Variants in PIP5K1A observed in about 807,000 individuals in gnomAD.
PIP5K1A encodes the protein phosphatidylinositol 4-phosphate 5-kinase type-1 alpha.
In PIP5K1A, 46 loss-of-function variants were observed where a neutral mutation model predicts 72.9. That is an observed-to-expected ratio of 0.63 (90% CI 0.50 to 0.81). The LOEUF (loss-of-function observed/expected upper bound fraction) is 0.81. Among genes scored for constraint, PIP5K1A ranks in the 30% least tolerant of loss-of-function variants. The pLI, the probability that PIP5K1A is intolerant of heterozygous loss-of-function variation, is 0.00. For missense variants in PIP5K1A, 458 were observed against 706.1 expected, an observed-to-expected ratio of 0.65 and a Z score of 3.98; for synonymous variants, 228 against 255.1, an observed-to-expected ratio of 0.89 and a Z score of 1.01.
At position 151,240,017 on chromosome 1, in the gene PIP5K1A, C is replaced by A; in HGVS notation, c.1341C>A (p.Asn447Lys). 6.2e-7 allele frequency: 1 copy of A among 1,612,452 alleles called. No individual in the cohort carries two copies. Among genetic ancestry groups the A allele is most frequent in the Non-Finnish European group, 8.5e-7 (1 of 1,178,860 alleles). ...YAERFQRFMCNTVFKKIPLKP... is the reference protein window; with the variant it reads ...YAERFQRFMCKTVFKKIPLKP... The stretch of plus-strand genomic sequence containing the variant: ...AACGGTTCCAGCGCTTCATGTGCAA[C>A]ACAGTATTTAAGAAGATTCCCTGTA... The change falls in exon 12 of 16, where the codon AAC becomes AAA. Residue 447 changes from asparagine (N) to lysine (K), a missense_variant. Around this residue, in one of 3 missense-constraint regions of PIP5K1A, gnomAD observed 157 missense variants for 175.5 expected, o/e 0.89. Coordinates refer to ENST00000368888, the MANE Select transcript of PIP5K1A (RefSeq NM_001135638.2).
At chr1:151,230,290 A>G (rs146035358) in intron 4 of PIP5K1A, among the ~76,000 whole-genome samples, 194 of 152,278 alleles carry the variant, frequency 1.3e-3, no homozygotes, top group Non-Finnish European at 2.3e-3. Context: ...AAGTAGTAAG[A>G]CTGAGAAAAT....
chr1:151,197,795 G>C (rs587684809), upstream of PIP5K1A, among the ~76,000 whole-genome samples: 1 of 152,336 alleles, frequency 6.6e-6, no homozygotes, highest in East Asian at 1.9e-4. Context: ...AGTCTGCTCA[G>C]AGAGACTGGT....
intron 1 of PIP5K1A, among the ~76,000 whole-genome samples, chr1:151,205,862 T>A (rs1352161033): frequency 6.6e-6 from 1 of 152,182 alleles, no homozygotes; most frequent in African/African-American, 2.4e-5. Context: ...TTACTGGGTT[T>A]CCTTGATCAA....
intron 1 of PIP5K1A, among the ~76,000 whole-genome samples, chr1:151,212,741 A>G (rs1443522508): frequency 3.0e-5 from 4 of 134,858 alleles, no homozygotes; most frequent in Non-Finnish European, 6.4e-5. Flanking sequence ...CGCCTAGCCA[A>G]TTTCTGTATT....
intron 4 of PIP5K1A, among the ~76,000 whole-genome samples, chr1:151,228,452 CT>C (rs1689485988): frequency 6.6e-6 from 1 of 152,174 alleles, no homozygotes; most frequent in Admixed American, 6.5e-5. Context: ...GTCTCACCCC[CT>C]TTTCCTCCAC....
At chr1:151,217,557 A>G (rs1413103541) in intron 1 of PIP5K1A, among the ~76,000 whole-genome samples, 1 of 152,072 alleles carries the variant, frequency 6.6e-6, no homozygotes, top group Non-Finnish European at 1.5e-5. Flanking sequence ...TTTTTTCAGA[A>G]GCATTTTAAT....
At chr1:151,210,329 C>G (rs186667447) in intron 1 of PIP5K1A, among the ~76,000 whole-genome samples, 42 of 151,394 alleles carry the variant, frequency 2.8e-4, no homozygotes, top group Middle Eastern at 3.4e-3. Context: ...CTCAGGATTA[C>G]AGGCATGGGC....
chr1:151,241,360 C>T (rs763088590), intron 12 of PIP5K1A, among the ~76,000 whole-genome samples: 3 of 151,066 alleles, frequency 2.0e-5, no homozygotes, highest in Non-Finnish European at 3.0e-5. Context: ...AAAAATTAGC[C>T]GGGCATGGTG....
Position 151,240,032 on chromosome 1 carries a change from G to T in PIP5K1A, c.1356G>T (p.Lys452Asn), listed in dbSNP as rs1426663465. The change falls in exon 12 of 16, where the codon AAG becomes AAT. Residue 452 changes from lysine to asparagine, a missense_variant. Around this residue, in one of 3 missense-constraint regions of PIP5K1A, gnomAD observed 157 missense variants for 175.5 expected, o/e 0.89. Transcript: ENST00000368888. ...TCATGTGCAACACAGTATTTAAGAA[G>T]ATTCCCTGTAAGTGGTTTCTACCAA... ...QRFMCNTVFK[K>N]IPLKPSPSKK... 1 of 1,611,402 alleles carries T rather than the reference G, an allele frequency of 6.2e-7. No homozygotes were observed. The highest frequency in any genetic ancestry group is 1.7e-5 in the Admixed American group (1 of 59,926).
chr1:151,245,818 G>A (rs1692422132), intron 14 of PIP5K1A, among the ~76,000 whole-genome samples: 1 of 152,156 alleles, frequency 6.6e-6, no homozygotes, highest in Admixed American at 6.6e-5. Flanking sequence ...TTATAGGCAT[G>A]AGCCACTGCA....
chr1:151,231,603 T>C lies in PIP5K1A; in HGVS notation c.238-68T>C. ...TAAAGTGTTCCTTCTAGCTTCCCCT[T>C]TCTGAATTTTTATTGTTATGATCCT... On this transcript the variant is annotated intron_variant, in intron 4 of 15. Coordinates refer to ENST00000368888, the MANE Select transcript of PIP5K1A (RefSeq NM_001135638.2). 12 of 1,398,700 alleles carry C rather than the reference T, an allele frequency of 8.6e-6. 1 individual carries two copies. The South Asian group carries it at 1.3e-4, about 15-fold the overall frequency. 86.6% of individuals were successfully genotyped at this position (1,398,700 alleles called of 1,614,324 possible).
chr1:151,240,135 A>G, intron 12 of PIP5K1A, 96 bp downstream of exon 12: 1 of 827,006 alleles, frequency 1.2e-6, no homozygotes, highest in Non-Finnish European at 2.1e-6. Flanking sequence ...GGGAGCTGCC[A>G]ATGCCAGAGG....
chr1:151,236,530 T>C lies in PIP5K1A; in HGVS notation c.940-28T>C, dbSNP rs761026423. The C allele has an allele frequency of 2.0e-6, 3 of 1,479,716 alleles. No individual in the cohort carries two copies. The East Asian group carries it at 6.8e-5, about 33-fold the overall frequency. The allele number at this position is 1,479,716 out of a possible 1,614,324, so 91.7% of individuals were successfully genotyped here. On this transcript the variant is annotated intron_variant, in intron 8 of 15. Transcript: ENST00000368888. The stretch of plus-strand genomic sequence containing the variant: ...AAAATATTTTTATTTCTTCCAAGGC[T>C]CAGATCATGTTTTTTTCCTTCCATT...
intron 12 of PIP5K1A, among the ~76,000 whole-genome samples, chr1:151,241,781 CAA>C (rs1172057360): frequency 7.7e-6 from 1 of 129,180 alleles, no homozygotes; most frequent in Admixed American, 8.7e-5. Context: ...GCCTGGGCAA[CAA>C]GAGCGAAACT....
intron 1 of PIP5K1A, among the ~76,000 whole-genome samples, chr1:151,214,825 T>C (rs1220734508): frequency 2.0e-5 from 3 of 152,116 alleles, no homozygotes; most frequent in Admixed American, 6.6e-5. Flanking sequence ...CAGGTCATCC[T>C]CCCACCTCAG....
intron 14 of PIP5K1A, among the ~76,000 whole-genome samples, chr1:151,246,491 G>T (rs887509644): frequency 6.6e-6 from 1 of 152,082 alleles, no homozygotes; most frequent in East Asian, 1.9e-4. Context: ...TAGAGCATGA[G>T]TCCAAGAAGA....
rs1442110763 is a variant in PIP5K1A at position 151,249,365 on chromosome 1, G to A, written c.*1500G>A. ...TTAAGGACAGAGTTCTGTTAGGGGT[G>A]GGAGGGAATATTTGAGGGAGGGCTG... is the stretch of plus-strand genomic sequence containing the variant. On this transcript the variant is annotated 3_prime_UTR_variant, in exon 16 of 16. Transcript: ENST00000368888. 2.6e-5 allele frequency: 4 copies of A among 152,068 alleles called. No individual in the cohort carries two copies. The highest frequency in any genetic ancestry group is 5.9e-5 in the Non-Finnish European group (4 of 68,010). The allele number at this position is 152,068 out of a possible 1,614,324, so 9.4% of individuals were successfully genotyped here. A position where few individuals can be genotyped will look rare whatever the true frequency, so the allele number is the denominator to read the frequency against.
chr1:151,207,864 CTTCT>C (rs1387272022), intron 1 of PIP5K1A, among the ~76,000 whole-genome samples: 2 of 69,726 alleles, frequency 2.9e-5, no homozygotes, highest in East Asian at 5.9e-4. Context: ...TATGTTGCTC[CTTCT>C]TTTTTTTTTT....
intron 13 of PIP5K1A, 70 bp from the exon 14 acceptor site, chr1:151,242,368 C>G: frequency 6.2e-7 from 1 of 1,600,350 alleles, no homozygotes; most frequent in Non-Finnish European, 8.6e-7. Flanking sequence ...CCATTTCTAT[C>G]CAGGAAGCCT....
Sources: gnomAD v4.1 joint callset for allele counts (sites outside exome capture counted in the v4.1 genomes callset) on GRCh38, gnomAD v4.1.1 for gene constraint, gnomAD v4.1.1 regional missense constraint, MANE v1.5 for transcripts, NCBI Gene and HGNC (gene_info 2026-07-23, HGNC 2026-07-21) for gene names.